The following NHLRC2 variants were observed in gnomAD, a reference collection of about 807,000 sequenced individuals.
NHLRC2 encodes the protein NHL repeat containing 2, also known as NHL repeat-containing protein 2.
In NHLRC2, 33 loss-of-function variants were observed where a neutral mutation model predicts 68.1. That is an observed-to-expected ratio of 0.48 (90% CI 0.37 to 0.65). The LOEUF is 0.65. Among genes scored for constraint, NHLRC2 ranks in the 30% least tolerant of loss-of-function variants. NHLRC2 has a pLI of 0.00. For missense variants in NHLRC2, 761 were observed against 853.8 expected (o/e 0.89, Z 1.35); for synonymous variants, 311 against 309.6 (o/e 1.00, Z -0.05).
chr10:113,881,449 TG>T (rs1385578959), intron 4 of NHLRC2, among the ~76,000 whole-genome samples: 1 of 151,856 alleles, frequency 6.6e-6, no homozygotes, highest in Non-Finnish European at 1.5e-5. Context: ...GTTTTATTTT[TG>T]TTTAAGACCT....
intron 2 of NHLRC2, among the ~76,000 whole-genome samples, chr10:113,861,727 A>T (rs1845818084): frequency 6.6e-6 from 1 of 152,266 alleles, no homozygotes; most frequent in Non-Finnish European, 1.5e-5. Flanking sequence ...GATCTCAGTA[A>T]AAGTAAATAA....
intron 2 of NHLRC2, among the ~76,000 whole-genome samples, chr10:113,873,367 A>G (rs1845947595): frequency 6.6e-6 from 1 of 152,136 alleles, no homozygotes; most frequent in Admixed American, 6.5e-5. Context: ...CACCAAAACT[A>G]AGATGTAGAG....
At chr10:113,892,568 G>C (rs1283712809) in intron 5 of NHLRC2, among the ~76,000 whole-genome samples, 1 of 151,982 alleles carries the variant, frequency 6.6e-6, no homozygotes, top group Admixed American at 6.5e-5. Context: ...GTGCTTTGGA[G>C]GCCACACTCC....
At chr10:113,900,650 C>T (rs1204488653) in intron 6 of NHLRC2, among the ~76,000 whole-genome samples, 1 of 152,124 alleles carries the variant, frequency 6.6e-6, no homozygotes, top group African/African-American at 2.4e-5. Flanking sequence ...TATTAAGACT[C>T]CTTGTAGACT....
chr10:113,876,794 G>T lies in NHLRC2; in HGVS notation c.605G>T (p.Gly202Val), dbSNP rs749137155. Residue 202 changes from glycine to valine, a missense_variant, in exon 3 of 11, where the codon GGG becomes GTG. Coordinates refer to ENST00000369301, the MANE Select transcript of NHLRC2 (RefSeq NM_198514.4). ...SIALKYYKDR[G>V]QIRDNKIGIK... ...GCTTTAAAGTATTACAAAGACAGGG[G>T]GCAGATCAGAGATAATAAAATTGGA... 1.2e-6 allele frequency: 2 copies of T among 1,611,992 alleles called. No individual in the cohort carries two copies. Among genetic ancestry groups the T allele is most frequent in the Non-Finnish European group, 1.7e-6 (2 of 1,178,350 alleles).
At chr10:113,877,091 C>T in intron 3 of NHLRC2, 115 bp downstream of exon 3, 1 of 603,940 alleles carries the variant, frequency 1.7e-6, no homozygotes. Flanking sequence ...AAGTGATATA[C>T]ATTGACTTAA....
chr10:113,902,452 CT>C lies in NHLRC2; in HGVS notation c.1372-15del. ...AATTATAATAACTGCTGTTTCTTTT[CT>C]TTTAAAAAAAATTAAAGAATTTATT... On this transcript the variant is annotated intron_variant, in intron 7 of 10. Coordinates refer to ENST00000369301, the MANE Select transcript of NHLRC2 (RefSeq NM_198514.4). 1 of 1,509,566 alleles carries C rather than the reference CT, an allele frequency of 6.6e-7. No individual in the cohort carries two copies. Among genetic ancestry groups the C allele is most frequent in the Non-Finnish European group, 9.0e-7 (1 of 1,116,528 alleles). 93.5% of individuals were successfully genotyped at this position (1,509,566 alleles called of 1,614,324 possible). A position where few individuals can be genotyped will look rare whatever the true frequency, so the allele number is the denominator to read the frequency against.
intron 3 of NHLRC2, among the ~76,000 whole-genome samples, chr10:113,878,876 C>T (rs942485966): frequency 6.6e-6 from 1 of 152,070 alleles, no homozygotes; most frequent in African/African-American, 2.4e-5. Context: ...TTTATGGTTG[C>T]CTAGGACAAT....
chr10:113,912,529 T>C lies in NHLRC2; in HGVS notation c.*3993T>C, dbSNP rs1229157486. 6.6e-6 allele frequency: 1 copy of C among 152,222 alleles called. No individual in the cohort carries two copies. 9.4% of individuals were successfully genotyped at this position (152,222 alleles called of 1,614,324 possible). ...GGAGCTACAAGTAATGAACTTGCTT[T>C]GAGAGGGTCCAGACATACTCATCCT... On this transcript the variant is annotated 3_prime_UTR_variant, in exon 11 of 11. Transcript: ENST00000369301.
At chr10:113,867,853 CTATAGTA>C (rs2134696132) in intron 2 of NHLRC2, among the ~76,000 whole-genome samples, 1 of 152,284 alleles carries the variant, frequency 6.6e-6, no homozygotes, top group East Asian at 1.9e-4. Flanking sequence ...ACACGTTCTA[CTATAGTA>C]TATACAATTG....
In NHLRC2 at chr10:113,884,365, GT is replaced by G; in HGVS notation, c.1029del (p.Phe343LeufsTer16). ...ACCCATTAGTTCCCCTTGGGATGTA[GT>G]TTTTGGAACATCAGGTATGTGAACT... ...QQPISSPWDV[V>X]FGTSGSEVQR... On this transcript the variant is annotated frameshift_variant, in exon 5 of 11. Coordinates refer to ENST00000369301, the MANE Select transcript of NHLRC2 (RefSeq NM_198514.4). LOFTEE classifies it high-confidence loss of function. 2 of 1,608,766 alleles carry G rather than the reference GT, an allele frequency of 1.2e-6. No individual in the cohort carries two copies. Among genetic ancestry groups the G allele is most frequent in the Admixed American group, 1.7e-5 (1 of 59,828 alleles).
At position 113,915,952 on chromosome 10, in the gene NHLRC2, G is replaced by C. The variant is rs1846381128; in HGVS notation, c.*7416G>C. 6.6e-6 allele frequency: 1 copy of C among 152,230 alleles called. No homozygotes were observed. The highest frequency in any genetic ancestry group is 2.1e-4 in the South Asian group (1 of 4,834). The allele number at this position is 152,230 out of a possible 1,614,324, so 9.4% of individuals were successfully genotyped here. Reference sequence around the variant, plus strand: ...GCCTGTTATTCCTTCTTTATCTAATGTGTGCTAAGCTTGTGAAAAATATAT... The same window carrying C: ...GCCTGTTATTCCTTCTTTATCTAATCTGTGCTAAGCTTGTGAAAAATATAT... On this transcript the variant is annotated 3_prime_UTR_variant, in exon 11 of 11. Coordinates refer to ENST00000369301, the MANE Select transcript of NHLRC2 (RefSeq NM_198514.4).
At position 113,901,796 on chromosome 10, in the gene NHLRC2, A is replaced by G; in HGVS notation, c.1270A>G (p.Ser424Gly). Residue 424 changes from serine to glycine, a missense_variant, in exon 7 of 11, where the codon AGC (serine) becomes GGC (glycine). Physicochemically the swap from Ser to Gly is moderately conservative, Grantham distance 56. Transcript: ENST00000369301. Reference sequence around the variant, plus strand: ...TTCCTTGGCCTCTGAAGATCCCTGGAGCTGCTTGTTTGTAGCAGATAGTGA... The same window carrying G: ...TTCCTTGGCCTCTGAAGATCCCTGGGGCTGCTTGTTTGTAGCAGATAGTGA... The part of the protein sequence containing the change: ...GLSLASEDPW[S>G]CLFVADSESS... 6.2e-7 allele frequency: 1 copy of G among 1,614,132 alleles called. No individual in the cohort carries two copies. The highest frequency in any genetic ancestry group is 1.1e-5 in the South Asian group (1 of 91,080).
At chr10:113,859,190 T>C (rs530092975) in intron 2 of NHLRC2, among the ~76,000 whole-genome samples, 1 of 152,258 alleles carries the variant, frequency 6.6e-6, no homozygotes, top group South Asian at 2.1e-4. Context: ...CAGCTAATGT[T>C]TTTCAAAGCA....
intron 4 of NHLRC2, among the ~76,000 whole-genome samples, 192 bp downstream of exon 4, chr10:113,879,887 A>C (rs1054942537): frequency 5.9e-5 from 9 of 152,076 alleles, no homozygotes; most frequent in Admixed American, 3.9e-4. Context: ...TATTTGTCAC[A>C]AAAGAAAACC....
chr10:113,863,910 A>G (rs1845838970), intron 2 of NHLRC2, among the ~76,000 whole-genome samples: 1 of 152,232 alleles, frequency 6.6e-6, no homozygotes, highest in East Asian at 1.9e-4. Context: ...AGACTAAACT[A>G]TGAAGAAATA....
At position 113,906,539 on chromosome 10, in the gene NHLRC2, CAA is replaced by C. The variant is rs552924833; in HGVS notation, c.1924+1513_1924+1514del. Among the ~76,000 whole-genome samples, 377 of 134,426 alleles carry C rather than the reference CAA, an allele frequency of 2.8e-3. 1 individual carries two copies. The highest frequency in any genetic ancestry group is 9.0e-3 in the African/African-American group (339 of 37,676). The allele number at this position is 134,426 out of a possible 152,430, so 88.2% of individuals were successfully genotyped here. On this transcript the variant is annotated intron_variant, in intron 10 of 10. Transcript: ENST00000369301. ...GTTAGAATATATGCAAGTTTTAAGC[CAA>C]AAAAAAAAAGGCAGCATAAAAGCAC...
chr10:113,910,239 G>T lies in NHLRC2; in HGVS notation c.*1703G>T, dbSNP rs1350231397. On this transcript the variant is annotated 3_prime_UTR_variant, in exon 11 of 11. Coordinates refer to ENST00000369301, the MANE Select transcript of NHLRC2 (RefSeq NM_198514.4). ...TTTTGAGACGTAGTCTGGCTCTGTA[G>T]CCCAGGCTGGGAGGGCAGTGGCGCG... is the stretch of plus-strand genomic sequence containing the variant. 6.6e-6 allele frequency: 1 copy of T among 152,198 alleles called. No homozygotes were observed. The highest frequency in any genetic ancestry group is 3.2e-3 in the Middle Eastern group (1 of 316). The allele number at this position is 152,198 out of a possible 1,614,324, so 9.4% of individuals were successfully genotyped here. A position where few individuals can be genotyped will look rare whatever the true frequency, so the allele number is the denominator to read the frequency against.
intron 2 of NHLRC2, among the ~76,000 whole-genome samples, chr10:113,866,568 A>C (rs1845869318): frequency 6.6e-6 from 1 of 152,106 alleles, no homozygotes; most frequent in African/African-American, 2.4e-5. Flanking sequence ...TGAATTTCTT[A>C]TTACTATTGA....
Sources: gnomAD v4.1 joint callset for allele counts (sites outside exome capture counted in the v4.1 genomes callset) on GRCh38, gnomAD v4.1.1 for gene constraint, MANE v1.5 for transcripts, NCBI Gene and HGNC (gene_info 2026-07-23, HGNC 2026-07-21) for gene names.